PAPPA2: variants seen among roughly 807,000 people sequenced by gnomAD.
The protein encoded by PAPPA2 is pappalysin 2.
PAPPA2 carries 86 observed loss-of-function variants against 176.4 expected under a neutral mutation model. The observed-to-expected ratio is 0.49, with a 90% CI of 0.41 to 0.58. The LOEUF (loss-of-function observed/expected upper bound fraction) is 0.58, where lower values mean the gene tolerates loss of function less well. Ranked by LOEUF, PAPPA2 falls within the 20% of genes least tolerant of loss-of-function variation. The pLI, the probability that PAPPA2 is intolerant of heterozygous loss-of-function variation, is 0.00. For missense variants in PAPPA2, 2,073 were observed against 2,256.9 expected, an observed-to-expected ratio of 0.92 and a Z score of 1.65; for synonymous variants, 809 against 852.2, an observed-to-expected ratio of 0.95 and a Z score of 0.88.
chr1:176,563,914 A>G (rs1196519009), intron 2 of PAPPA2, among the ~76,000 whole-genome samples: 1 of 151,466 alleles, frequency 6.6e-6, no homozygotes, highest in Non-Finnish European at 1.5e-5. Flanking sequence ...GGACTCAAAA[A>G]GGCCTTGCAG....
At chr1:176,510,548 T>G (rs1029051202) in intron 1 of PAPPA2, among the ~76,000 whole-genome samples, 3 of 152,068 alleles carry the variant, frequency 2.0e-5, no homozygotes, top group African/African-American at 7.2e-5. Flanking sequence ...AGGAAGAAAT[T>G]AGAGCTACAT....
intron 17 of PAPPA2, among the ~76,000 whole-genome samples, chr1:176,777,065 C>T (rs992665617): frequency 3.3e-5 from 5 of 152,078 alleles, no homozygotes; most frequent in African/African-American, 9.7e-5. Context: ...CTTCATTTCT[C>T]TCAGCCCTTT....
At chr1:176,789,321 A>G (rs1261802781) in intron 17 of PAPPA2, among the ~76,000 whole-genome samples, 1 of 151,064 alleles carries the variant, frequency 6.6e-6, no homozygotes, top group Non-Finnish European at 1.5e-5. Context: ...CAAACACTGC[A>G]TGTTCTCACC....
chr1:176,536,122 A>C (rs1021950322), intron 1 of PAPPA2, among the ~76,000 whole-genome samples: 3 of 152,226 alleles, frequency 2.0e-5, no homozygotes, highest in Admixed American at 2.0e-4. Flanking sequence ...ACAAAAAAAT[A>C]ATAGCATCAT....
intron 3 of PAPPA2, among the ~76,000 whole-genome samples, chr1:176,618,006 A>G (rs937709741): frequency 6.6e-6 from 1 of 152,178 alleles, no homozygotes; most frequent in East Asian, 1.9e-4. Context: ...GAGGCCTGTA[A>G]CTAGTGGTTT....
chr1:176,781,365 C>CTTTTTTTTTTTTTTTTT (rs35029858), intron 17 of PAPPA2, among the ~76,000 whole-genome samples: 2 of 46,228 alleles, frequency 4.3e-5, no homozygotes, highest in Non-Finnish European at 7.5e-5. Context: ...TTGTAAGGGG[C>CTTTTTTTTTTTTTTTTT]TTTTTTTTTT....
intron 1 of PAPPA2, among the ~76,000 whole-genome samples, chr1:176,512,704 T>C (rs1338578611): frequency 6.6e-6 from 1 of 152,218 alleles, no homozygotes; most frequent in Non-Finnish European, 1.5e-5. Flanking sequence ...TGCATATATA[T>C]ATGTCAAAAC....
intron 4 of PAPPA2, among the ~76,000 whole-genome samples, chr1:176,683,011 T>G (rs751596629): frequency 3.2e-4 from 6 of 18,624 alleles, no homozygotes; most frequent in Admixed American, 5.6e-4. Flanking sequence ...CCCAAAGCTA[T>G]TTATTTATTT....
intron 14 of PAPPA2, among the ~76,000 whole-genome samples, chr1:176,750,136 T>A (rs1663101304): frequency 6.6e-6 from 1 of 152,214 alleles, no homozygotes; most frequent in African/African-American, 2.4e-5. Flanking sequence ...CTTTCCTTTT[T>A]TCTTTTCATC....
At chr1:176,685,425 TGA>T (rs1194850180) in intron 4 of PAPPA2, among the ~76,000 whole-genome samples, 2 of 152,274 alleles carry the variant, frequency 1.3e-5, no homozygotes, top group Admixed American at 1.3e-4. Flanking sequence ...GGCTACCTTG[TGA>T]GAGAGAAGCT....
chr1:176,512,405 A>G (rs1009489446), intron 1 of PAPPA2, among the ~76,000 whole-genome samples: 1 of 152,184 alleles, frequency 6.6e-6, no homozygotes, highest in Non-Finnish European at 1.5e-5. Context: ...CAATAAAAGA[A>G]ATGAACTACT....
intron 20 of PAPPA2, among the ~76,000 whole-genome samples, chr1:176,794,585 T>G (rs549878410): frequency 1.3e-5 from 2 of 152,260 alleles, no homozygotes; most frequent in African/African-American, 4.8e-5. Context: ...GTCTAGGTCA[T>G]TTGTCTTTTT....
intron 12 of PAPPA2, among the ~76,000 whole-genome samples, chr1:176,718,409 A>G (rs963287519): frequency 1.3e-5 from 2 of 151,806 alleles, no homozygotes. Context: ...ATATGATCTT[A>G]TTTTTCATTA....
At chr1:176,535,277 ATG>A (rs1650010751) in intron 1 of PAPPA2, among the ~76,000 whole-genome samples, 1 of 152,130 alleles carries the variant, frequency 6.6e-6, no homozygotes, top group African/African-American at 2.4e-5. Context: ...AGGCAGAAGC[ATG>A]TGTTGAGGTT....
chr1:176,523,753 C>A (rs948630343), intron 1 of PAPPA2, among the ~76,000 whole-genome samples: 1 of 152,158 alleles, frequency 6.6e-6, no homozygotes, highest in Non-Finnish European at 1.5e-5. Flanking sequence ...AGAAATAAAA[C>A]AATTATACCT....
chr1:176,565,165 C>T lies in PAPPA2; in HGVS notation c.919+7924C>T, dbSNP rs1221143100. ...CATGCATATACTACATTTTGTGTAT[C>T]CAGTCTTCAATTACTGGATATTTTG... On this transcript the variant is annotated intron_variant, in intron 2 of 22. Coordinates refer to ENST00000367662, the MANE Select transcript of PAPPA2 (RefSeq NM_020318.3). Among the ~76,000 whole-genome samples, 5 of 152,116 alleles carry T rather than the reference C, an allele frequency of 3.3e-5. No homozygotes were observed. In the South Asian group the frequency reaches 8.3e-4, roughly 25 times the overall value.
chr1:176,842,447 A>G lies in PAPPA2; in HGVS notation c.5369A>G (p.Asn1790Ser), dbSNP rs1163166762. 4.3e-6 allele frequency: 7 copies of G among 1,612,990 alleles called. No homozygotes were observed. Among genetic ancestry groups the G allele is most frequent in the Non-Finnish European group, 5.9e-6 (7 of 1,179,400 alleles). Residue 1790 changes from asparagine to serine, a missense_variant, in exon 23 of 23, where the codon AAT becomes AGT. Transcript: ENST00000367662. Reference protein sequence around the residue: ...CTCRDPKAEENQ With the variant: ...CTCRDPKAEESQ ...TGCCGGGACCCCAAGGCAGAAGAAA[A>G]TCAGTAACTGTGGGAACAAGCCCCT...
At chr1:176,681,093 A>G (rs928026898) in intron 4 of PAPPA2, among the ~76,000 whole-genome samples, 1 of 151,588 alleles carries the variant, frequency 6.6e-6, no homozygotes, top group African/African-American at 2.4e-5. Context: ...GGGAGGGGGA[A>G]TAGGTATCAG....
At chr1:176,753,501 T>G (rs559633487) in intron 14 of PAPPA2, among the ~76,000 whole-genome samples, 1 of 151,456 alleles carries the variant, frequency 6.6e-6, no homozygotes, top group Admixed American at 6.6e-5. Context: ...CAGTCCTATG[T>G]AGAACGTTTG....
Sources: gnomAD v4.1 joint callset for allele counts (sites outside exome capture counted in the v4.1 genomes callset) on GRCh38, gnomAD v4.1.1 for gene constraint, MANE v1.5 for transcripts, NCBI Gene and HGNC (gene_info 2026-07-23, HGNC 2026-07-21) for gene names.